Variants in KCNJ4 observed in about 807,000 individuals in gnomAD.
KCNJ4 encodes potassium inwardly rectifying channel subfamily J member 4, also known as inward rectifier potassium channel 4.
A neutral mutation model predicts 25.6 loss-of-function variants in KCNJ4; 3 were observed. The ratio of observed to expected loss-of-function variants is 0.12; its 90% CI spans 0.05 to 0.30. The LOEUF (loss-of-function observed/expected upper bound fraction) is 0.30. Among genes scored for constraint, KCNJ4 ranks in the 10% least tolerant of loss-of-function variants. The pLI is 1.00. For missense variants in KCNJ4, 286 were observed against 666.8 expected (o/e 0.43, Z 6.29); for synonymous variants, 257 against 283.9 (o/e 0.91, Z 0.95).
chr22:38,444,536 C>A (rs532078798), intron 1 of KCNJ4, among the ~76,000 whole-genome samples: 44 of 152,294 alleles, frequency 2.9e-4, no homozygotes, highest in African/African-American at 1.0e-3. Flanking sequence ...TCCCAGGTGT[C>A]CCCCAGGTGT....
rs779001054 is a variant in KCNJ4, at chr22:38,426,909, C to G, written c.1224G>C (p.Lys408Asn). Residue 408 changes from lysine (K) to asparagine (N), a missense_variant, in exon 2 of 2, where the codon AAG (lysine) becomes AAC (asparagine). Transcript: ENST00000303592. ...AAGLGLEAGS[K>N]EEAGIIRMLE... ...GCATCCGGATGATGCCCGCCTCCTC[C>G]TTGGAACCCGCCTCCAGGCCCAGGC... The G allele has an allele frequency of 1.2e-6, 2 of 1,612,960 alleles. No homozygotes were observed. The highest frequency in any genetic ancestry group is 4.5e-5 in the East Asian group (2 of 44,856).
At chr22:38,450,544 C>T (rs1034445966) in intron 1 of KCNJ4, among the ~76,000 whole-genome samples, 6 of 152,306 alleles carry the variant, frequency 3.9e-5, no homozygotes, top group African/African-American at 1.2e-4. Context: ...CCTCCTGCAG[C>T]CCTAGCTTGG....
At chr22:38,440,130 C>T (rs557015775) in intron 1 of KCNJ4, among the ~76,000 whole-genome samples, 2 of 152,074 alleles carry the variant, frequency 1.3e-5, no homozygotes, top group African/African-American at 4.8e-5. Context: ...ACATTCCTAG[C>T]CAGGTGTATT....
chr22:38,439,868 A>T (rs532356019), intron 1 of KCNJ4, among the ~76,000 whole-genome samples: 4 of 149,780 alleles, frequency 2.7e-5, no homozygotes. Flanking sequence ...AGGCAGGCAG[A>T]TCACGAGGTC....
chr22:38,451,922 C>T (rs2089412556), intron 1 of KCNJ4, among the ~76,000 whole-genome samples: 1 of 152,210 alleles, frequency 6.6e-6, no homozygotes, highest in Non-Finnish European at 1.5e-5. Context: ...AGGCACCCTC[C>T]CACTCTACCC....
chr22:38,431,842 C>A (rs2093050777), intron 1 of KCNJ4, among the ~76,000 whole-genome samples: 1 of 152,158 alleles, frequency 6.6e-6, no homozygotes, highest in South Asian at 2.1e-4. Context: ...CAGGAGATGG[C>A]CAGATTTTCT....
At chr22:38,450,874 GCCCCAGCCCCAGGGAGGAACGTTTTCCA>G in intron 1 of KCNJ4, among the ~76,000 whole-genome samples, 1 of 152,272 alleles carries the variant, frequency 6.6e-6, no homozygotes, top group East Asian at 1.9e-4. Context: ...CTCCTGCCAA[GCCCCAGCCCCAGGGAGGAACGTTTTCCA>G]CTCTTTCCCC....
chr22:38,436,817 C>T (rs1170877316), intron 1 of KCNJ4, among the ~76,000 whole-genome samples: 1 of 152,216 alleles, frequency 6.6e-6, no homozygotes, highest in East Asian at 1.9e-4. Flanking sequence ...GGTTCAGCAA[C>T]TTGCCCAAGG....
chr22:38,431,164 G>C (rs1311185650), intron 1 of KCNJ4, among the ~76,000 whole-genome samples: 1 of 152,232 alleles, frequency 6.6e-6, no homozygotes, highest in African/African-American at 2.4e-5. Context: ...CAAGCCCAGG[G>C]TTCCAGGGGA....
intron 1 of KCNJ4, among the ~76,000 whole-genome samples, chr22:38,429,196 T>C (rs2093042005): frequency 6.6e-6 from 1 of 152,140 alleles, no homozygotes; most frequent in Non-Finnish European, 1.5e-5. Context: ...TTTGAGTCCT[T>C]GAGCCCAAAT....
At chr22:38,441,263 C>G (rs1253514111) in intron 1 of KCNJ4, among the ~76,000 whole-genome samples, 3 of 152,108 alleles carry the variant, frequency 2.0e-5, no homozygotes, top group Non-Finnish European at 4.4e-5. Flanking sequence ...GCTTCCCTCC[C>G]TCCCCAGCCA....
At chr22:38,428,305 G>T in intron 1 of KCNJ4, 134 bp from the exon 2 acceptor site, 1 of 818,748 alleles carries the variant, frequency 1.2e-6, no homozygotes, top group Non-Finnish European at 1.9e-6. Flanking sequence ...GCCCCGGCAG[G>T]CGGAGGGTGG....
chr22:38,453,234 A>C lies in KCNJ4; in HGVS notation c.-40+1746T>G, dbSNP rs74787021. On this transcript the variant is annotated intron_variant, in intron 1 of 1. Transcript: ENST00000303592. ...CTTTCACAGACCTGACACAGTCTGG[A>C]AACTGCTCAACACCCTGATGAAGTC... Among the ~76,000 whole-genome samples the C allele has an allele frequency of 7.1e-3, 1,084 of 152,240 alleles. 12 individuals carry two copies. The highest frequency in any genetic ancestry group is 0.024 in the African/African-American group (1,009 of 41,522).
chr22:38,445,446 G>A (rs549180544), intron 1 of KCNJ4, among the ~76,000 whole-genome samples: 2 of 152,330 alleles, frequency 1.3e-5, no homozygotes, highest in South Asian at 2.1e-4. Context: ...ACCAAAATCC[G>A]TAGTAAAAGC....
At chr22:38,436,769 C>T (rs2093066766) in intron 1 of KCNJ4, among the ~76,000 whole-genome samples, 2 of 152,322 alleles carry the variant, frequency 1.3e-5, no homozygotes, top group East Asian at 3.9e-4. Context: ...AGGAAATTAT[C>T]ATTACCCCTG....
At chr22:38,430,818 T>C (rs2093047440) in intron 1 of KCNJ4, among the ~76,000 whole-genome samples, 1 of 152,192 alleles carries the variant, frequency 6.6e-6, no homozygotes. Flanking sequence ...AGGAGGAGCA[T>C]AGGGTCACCG....
At chr22:38,447,151 G>A (rs999474230) in intron 1 of KCNJ4, among the ~76,000 whole-genome samples, 1 of 152,122 alleles carries the variant, frequency 6.6e-6, no homozygotes, top group Non-Finnish European at 1.5e-5. Context: ...GGGTAGGGGA[G>A]GGGGAGGTGG....
intron 1 of KCNJ4, among the ~76,000 whole-genome samples, chr22:38,454,539 A>G (rs565151261): frequency 6.6e-6 from 1 of 152,180 alleles, no homozygotes; most frequent in Admixed American, 6.5e-5. Context: ...TCAAAACATG[A>G]GAAGTGAGAT....
chr22:38,433,823 T>A (rs2093057559), intron 1 of KCNJ4, among the ~76,000 whole-genome samples: 1 of 152,158 alleles, frequency 6.6e-6, no homozygotes. Flanking sequence ...AGGGAGGGGC[T>A]GGAGACTCTG....
Sources: gnomAD v4.1 joint callset for allele counts (sites outside exome capture counted in the v4.1 genomes callset) on GRCh38, gnomAD v4.1.1 for gene constraint, MANE v1.5 for transcripts, NCBI Gene and HGNC (gene_info 2026-07-23, HGNC 2026-07-21) for gene names.